OR9G4: variants seen among roughly 807,000 people sequenced by gnomAD.
The protein encoded by OR9G4 is olfactory receptor 9G4.
A neutral mutation model predicts 16.7 loss-of-function variants in OR9G4; 19 were observed. The observed-to-expected ratio is 1.14, with a 90% CI of 0.79 to 1.67. The LOEUF (loss-of-function observed/expected upper bound fraction) is 1.67. Among genes scored for constraint, OR9G4 ranks in the 40% most tolerant of loss-of-function variants. The pLI is 0.00. For missense variants in OR9G4, 428 were observed against 370.4 expected (o/e 1.16, Z -1.28); for synonymous variants, 182 against 146.2 (o/e 1.24, Z -1.76).
At chr11:56,746,398 A>T (rs1256236797) in intron 1 of OR9G4, among the ~76,000 whole-genome samples, 3 of 151,762 alleles carry the variant, frequency 2.0e-5, no homozygotes, top group Non-Finnish European at 2.9e-5. Context: ...AATGGCTCAA[A>T]TTTTTTGACT....
intron 1 of OR9G4, among the ~76,000 whole-genome samples, chr11:56,747,019 G>T (rs1858426079): frequency 1.3e-5 from 2 of 151,772 alleles, no homozygotes; most frequent in Non-Finnish European, 2.9e-5. Context: ...CCCTGTAAAG[G>T]CTCCCAATTT....
intron 1 of OR9G4, among the ~76,000 whole-genome samples, chr11:56,748,132 C>A (rs1346572219): frequency 1.3e-5 from 2 of 152,160 alleles, no homozygotes; most frequent in African/African-American, 2.4e-5. Context: ...TACCAAGTAT[C>A]TGTGAATGTG....
chr11:56,745,475 A>C (rs1180667555), intron 1 of OR9G4, among the ~76,000 whole-genome samples: 1 of 152,152 alleles, frequency 6.6e-6, no homozygotes, highest in Non-Finnish European at 1.5e-5. Flanking sequence ...AATTTGCTAA[A>C]ATCTCTTATA....
At chr11:56,748,330 A>G (rs993006507) in intron 1 of OR9G4, among the ~76,000 whole-genome samples, 8 of 152,238 alleles carry the variant, frequency 5.3e-5, no homozygotes, top group Non-Finnish European at 8.8e-5. Context: ...TGAAAATGCC[A>G]TACACTAGTA....
chr11:56,743,249 A>G lies in OR9G4; in HGVS notation c.518T>C (p.Ile173Thr). ...TGCATCACAGAAAAAGTGGTCAATGATATTTTTACCACAAAAATGCAGGCG... is the reference window on the plus strand; with the variant it reads ...TGCATCACAGAAAAAGTGGTCAATGGTATTTTTACCACAAAAATGCAGGCG... ...TFRLHFCGKNIIDHFFCDAPP... is the reference protein window; with the variant it reads ...TFRLHFCGKNTIDHFFCDAPP... Residue 173 changes from isoleucine (I) to threonine (T), a missense_variant, in exon 2 of 2, where the codon ATC becomes ACC. Ile to Thr is a moderately conservative substitution (Grantham distance 89). Transcript: ENST00000641668. The G allele has an allele frequency of 6.2e-7, 1 of 1,614,134 alleles. No individual in the cohort carries two copies. Among genetic ancestry groups the G allele is most frequent in the Non-Finnish European group, 8.5e-7 (1 of 1,179,988 alleles).
In OR9G4 at chr11:56,742,833, T is replaced by G. The variant is rs748926165; in HGVS notation, c.934A>C (p.Thr312Pro). ...ATTTGCAAAGAGAATAACCTTCATG[T>G]TTGTGGTTGTATAGTCTGTGTTGCT... The part of the protein sequence containing the change: ...RKATQTIQPQ[T>P] The change falls in exon 2 of 2, where the codon ACA (threonine) becomes CCA (proline). Residue 312 changes from threonine (T) to proline (P), a missense_variant. By Grantham distance (38) the Thr-to-Pro change is conservative. Transcript: ENST00000641668. The G allele has an allele frequency of 6.2e-7, 1 of 1,610,404 alleles. No homozygotes were observed. The highest frequency in any genetic ancestry group is 8.5e-7 in the Non-Finnish European group (1 of 1,178,300).
Position 56,743,677 on chromosome 11 carries a change from C to T in OR9G4, c.90G>A (p.Val30=), listed in dbSNP as rs754906804. 1.5e-5 allele frequency: 25 copies of T among 1,614,002 alleles called. No individual in the cohort carries two copies. The Admixed American group carries it at 3.7e-4, about 24-fold the overall frequency. Reference sequence around the variant, plus strand: ...AGGTTATCAAATAGAGCATCAGAAACACTCCAAATAGAATCGGCTGCCACT... The same window carrying T: ...AGGTTATCAAATAGAGCATCAGAAATACTCCAAATAGAATCGGCTGCCACT... ...DSQWQPILFG[V]FLMLYLITLS... is the part of the protein sequence containing the mutation. Residue 30 remains valine (V), a synonymous_variant, in exon 2 of 2, where the codon GTG becomes GTA. Transcript: ENST00000641668.
In OR9G4 at chr11:56,743,395, T is replaced by G. The variant is rs983749715; in HGVS notation, c.372A>C (p.Ala124=). Residue 124 remains alanine, a synonymous_variant, in exon 2 of 2, where the codon GCA becomes GCC. Transcript: ENST00000641668. ...LLAAMAYDRH[A]AICNPLLYSG... is the part of the protein sequence containing the mutation. Reference sequence around the variant, plus strand: ...AATAAAGCAATGGGTTACAAATTGCTGCATGGCGGTCATATGCCATGGCTG... The same window carrying G: ...AATAAAGCAATGGGTTACAAATTGCGGCATGGCGGTCATATGCCATGGCTG... 1 of 1,614,132 alleles carries G rather than the reference T, an allele frequency of 6.2e-7. No homozygotes were observed. The highest frequency in any genetic ancestry group is 8.5e-7 in the Non-Finnish European group (1 of 1,180,026).
chr11:56,747,511 T>C (rs1481543818), intron 1 of OR9G4, among the ~76,000 whole-genome samples: 1 of 152,170 alleles, frequency 6.6e-6, no homozygotes, highest in Non-Finnish European at 1.5e-5. Flanking sequence ...CTCACCAGAA[T>C]GCAACATCTA....
intron 1 of OR9G4, among the ~76,000 whole-genome samples, chr11:56,745,964 C>T (rs969048842): frequency 1.3e-5 from 2 of 151,958 alleles, no homozygotes; most frequent in Admixed American, 1.3e-4. Context: ...TTCTTTTCAT[C>T]TCAAGATTTG....
In OR9G4 at chr11:56,743,882, G is replaced by A. The variant is rs538029618; in HGVS notation, c.-22-94C>T. On this transcript the variant is annotated intron_variant, in intron 1 of 1. Transcript: ENST00000641668. ...TAAATCAACAATTACTAAGAAGCTT[G>A]TAGATTTTTCTCCCTTACTATCTAG... 7 of 1,410,008 alleles carry A rather than the reference G, an allele frequency of 5.0e-6. No homozygotes were observed. The African/African-American group carries it at 1.0e-4, about 20-fold the overall frequency. The allele number at this position is 1,410,008 out of a possible 1,614,324, so 87.3% of individuals were successfully genotyped here.
chr11:56,743,099 A>AGGAGGATG lies in OR9G4; in HGVS notation c.660_667dup (p.Leu223ProfsTer7). 6.2e-7 allele frequency: 1 copy of AGGAGGATG among 1,614,190 alleles called. No individual in the cohort carries two copies. Among genetic ancestry groups the AGGAGGATG allele is most frequent in the Non-Finnish European group, 8.5e-7 (1 of 1,180,028 alleles). ...AGCTGAGTGGATTCTCAGGATAGCC[A>AGGAGGATG]GGAGGATGTTGACATAGGAAATCAG... On this transcript the variant is annotated frameshift_variant, in exon 2 of 2. Transcript: ENST00000641668. LOFTEE classifies it high-confidence loss of function.
intron 1 of OR9G4, among the ~76,000 whole-genome samples, chr11:56,746,332 A>G (rs894046055): frequency 6.6e-6 from 1 of 150,504 alleles, no homozygotes; most frequent in Admixed American, 6.6e-5. Flanking sequence ...AATCCTATGA[A>G]GTTGTGCATA....
chr11:56,743,059 C>T lies in OR9G4; in HGVS notation c.708G>A (p.Lys236=). 3 of 1,614,060 alleles carry T rather than the reference C, an allele frequency of 1.9e-6. No individual in the cohort carries two copies. Among genetic ancestry groups the T allele is most frequent in the East Asian group, 2.2e-5 (1 of 44,876 alleles). Residue 236 remains lysine, a synonymous_variant, in exon 2 of 2, where the codon AAG becomes AAA. Transcript: ENST00000641668. ...GGTGGGAAGCACAGGTGGAGAATGCCTTGTGTCTTCCTGAAGCTGAGTGGA... is the reference window on the plus strand; with the variant it reads ...GGTGGGAAGCACAGGTGGAGAATGCTTTGTGTCTTCCTGAAGCTGAGTGGA... ...LRIHSASGRH[K]AFSTCASHLI...
At chr11:56,746,218 G>T (rs1342544929) in intron 1 of OR9G4, among the ~76,000 whole-genome samples, 1 of 144,910 alleles carries the variant, frequency 6.9e-6, no homozygotes, top group Non-Finnish European at 1.5e-5. Flanking sequence ...GCGTGAACCC[G>T]GGAGGCGGAG....
chr11:56,743,396 G>A lies in OR9G4; in HGVS notation c.371C>T (p.Ala124Val), dbSNP rs1243309250. Reference protein sequence around the residue: ...LLAAMAYDRHAAICNPLLYSG... With the variant: ...LLAAMAYDRHVAICNPLLYSG... ...ATAAAGCAATGGGTTACAAATTGCT[G>A]CATGGCGGTCATATGCCATGGCTGC... is the stretch of plus-strand genomic sequence containing the variant. Residue 124 changes from alanine to valine, a missense_variant, in exon 2 of 2, where the codon GCA (alanine) becomes GTA (valine). Physicochemically the swap from Ala to Val is moderately conservative, Grantham distance 64. Coordinates refer to ENST00000641668, the MANE Select transcript of OR9G4 (RefSeq NM_001005284.2). 5 of 1,614,016 alleles carry A rather than the reference G, an allele frequency of 3.1e-6. No homozygotes were observed. Among genetic ancestry groups the A allele is most frequent in the East Asian group, 2.2e-5 (1 of 44,888 alleles).
In OR9G4 at chr11:56,747,770, G is replaced by C. The variant is rs533993962; in HGVS notation, c.-23+886C>G. Among the ~76,000 whole-genome samples the C allele has an allele frequency of 2.0e-5, 3 of 152,178 alleles. No individual in the cohort carries two copies. The East Asian group carries it at 5.8e-4, about 29-fold the overall frequency. On this transcript the variant is annotated intron_variant, in intron 1 of 1. Transcript: ENST00000641668. ...ACTCACAGCAACCTCTGCCTCCCAG[G>C]TTCAAGTGATTCTCCTGCCTCAGCC...
intron 1 of OR9G4, among the ~76,000 whole-genome samples, chr11:56,744,631 G>T (rs1858375510): frequency 6.6e-6 from 1 of 152,112 alleles, no homozygotes; most frequent in Non-Finnish European, 1.5e-5. Context: ...TTGGTGGTTT[G>T]CTTTGGCCAA....
chr11:56,746,292 CAAAAAAAAAAA>C (rs71470125), intron 1 of OR9G4, among the ~76,000 whole-genome samples: 1 of 70,558 alleles, frequency 1.4e-5, no homozygotes, highest in Non-Finnish European at 2.6e-5. Context: ...GACTCCGTCT[CAAAAAAAAAAA>C]AAAAAAAAAA....
Sources: allele counts gnomAD v4.1 joint callset (sites outside exome capture counted in the v4.1 genomes callset), GRCh38; gene constraint gnomAD v4.1.1; transcripts MANE v1.5; gene names NCBI Gene and HGNC (gene_info 2026-07-23, HGNC 2026-07-21).